The following ATG13 variants were observed in gnomAD, a reference collection of about 807,000 sequenced individuals.
The protein encoded by ATG13 is autophagy related 13.
ATG13 carries 23 observed loss-of-function variants against 65.5 expected under a neutral mutation model. The ratio of observed to expected loss-of-function variants is 0.35; its 90% CI spans 0.25 to 0.50. The LOEUF (loss-of-function observed/expected upper bound fraction) is 0.50. Among genes scored for constraint, ATG13 ranks in the 20% least tolerant of loss-of-function variants. The pLI, the probability that ATG13 is intolerant of heterozygous loss-of-function variation, is 0.98. For synonymous variants in ATG13, 252 were observed against 245.2 expected, an observed-to-expected ratio of 1.03 and a Z score of -0.26; for missense variants, 566 against 677.0, an observed-to-expected ratio of 0.84 and a Z score of 1.82.
chr11:46,625,405 G>C (rs1015579720), intron 1 of ATG13: 1 of 151,320 alleles, frequency 6.6e-6, no homozygotes, highest in Non-Finnish European at 1.5e-5. Context: ...CTCCTGAGTA[G>C]CTGGGACTAT....
chr11:46,673,908 A>G lies in ATG13; in HGVS notation c.*1576A>G, dbSNP rs1437484007. 2 of 152,190 alleles carry G rather than the reference A, an allele frequency of 1.3e-5. No individual in the cohort carries two copies. The highest frequency in any genetic ancestry group is 4.8e-5 in the African/African-American group (2 of 41,440). 9.4% of individuals were successfully genotyped at this position (152,190 alleles called of 1,614,324 possible). A position where few individuals can be genotyped will look rare whatever the true frequency, so the allele number is the denominator to read the frequency against. ...ATACTGCATGTGACACTGTTCCCACATACAAGGCTGACTTCTGAGGATTGG... is the reference window on the plus strand; with the variant it reads ...ATACTGCATGTGACACTGTTCCCACGTACAAGGCTGACTTCTGAGGATTGG... On this transcript the variant is annotated 3_prime_UTR_variant, in exon 19 of 19. Coordinates refer to ENST00000683050, the MANE Select transcript of ATG13 (RefSeq NM_001346311.2).
At chr11:46,633,063 C>T (rs1359301037) in intron 2 of ATG13, among the ~76,000 whole-genome samples, 1 of 136,420 alleles carries the variant, frequency 7.3e-6, no homozygotes, top group Non-Finnish European at 1.6e-5. Flanking sequence ...CTTGCTCTGT[C>T]GCCCAGGCTG....
intron 13 of ATG13, 89 bp from the exon 14 acceptor site, chr11:46,665,294 C>G: frequency 6.7e-7 from 1 of 1,501,670 alleles, no homozygotes; most frequent in Non-Finnish European, 9.1e-7. Flanking sequence ...ATGGAAAAGT[C>G]AAAAGCAGAT....
At chr11:46,621,981 T>A (rs1051547173) in intron 1 of ATG13, among the ~76,000 whole-genome samples, 1 of 150,724 alleles carries the variant, frequency 6.6e-6, no homozygotes, top group Admixed American at 6.7e-5. Context: ...TCATTTTATC[T>A]ACATCTTTAT....
intron 12 of ATG13, 31 bp downstream of exon 12, chr11:46,664,126 A>C: frequency 7.2e-7 from 1 of 1,394,016 alleles, no homozygotes; most frequent in Non-Finnish European, 9.9e-7. Flanking sequence ...AGGGGATATA[A>C]TCAGATGGCA....
chr11:46,658,861 GCT>G (rs1197594817), intron 10 of ATG13, among the ~76,000 whole-genome samples: 5 of 152,088 alleles, frequency 3.3e-5, no homozygotes, highest in Admixed American at 6.6e-5. Flanking sequence ...AAAAGAAAAT[GCT>G]CTCTCAAATA....
At chr11:46,651,143 A>G (rs1032526934) in intron 7 of ATG13, among the ~76,000 whole-genome samples, 11 of 152,232 alleles carry the variant, frequency 7.2e-5, no homozygotes, top group Non-Finnish European at 1.6e-4. Flanking sequence ...AGAACTATAC[A>G]GAGGCCCAGC....
chr11:46,665,543 C>A (rs973486377), intron 14 of ATG13, 24 bp downstream of exon 14: 1 of 1,612,908 alleles, frequency 6.2e-7, no homozygotes, highest in Non-Finnish European at 8.5e-7. Flanking sequence ...TTGGCTCTGT[C>A]TCTGGTAAGG....
chr11:46,646,267 G>A (rs1323765253), intron 5 of ATG13, among the ~76,000 whole-genome samples: 1 of 152,060 alleles, frequency 6.6e-6, no homozygotes, highest in African/African-American at 2.4e-5. Flanking sequence ...TCCTGCCTCA[G>A]CCTCCTGAGT....
In ATG13 at chr11:46,617,565, A is replaced by C; in HGVS notation, c.-395A>C. On this transcript the variant is annotated 5_prime_UTR_variant, in exon 1 of 19. Coordinates refer to ENST00000683050, the MANE Select transcript of ATG13 (RefSeq NM_001346311.2). ...ACCCCCCCCCCCCGGCCATTACCGA[A>C]GCGGATGAAAACAAACACTAACGAT... The C allele has an allele frequency of 8.6e-6, 1 of 115,842 alleles. No homozygotes were observed. The highest frequency in any genetic ancestry group is 1.6e-5 in the Non-Finnish European group (1 of 62,480). The allele number at this position is 115,842 out of a possible 1,614,324, so 7.2% of individuals were successfully genotyped here. A position where few individuals can be genotyped will look rare whatever the true frequency, so the allele number is the denominator to read the frequency against.
Position 46,645,329 on chromosome 11 carries a change from T to G in ATG13, c.70-10T>G, listed in dbSNP as rs2057248463. On this transcript the variant is annotated splice_polypyrimidine_tract_variant and intron_variant, in intron 3 of 18. Transcript: ENST00000683050. The stretch of plus-strand genomic sequence containing the variant: ...TTTTAGGATTTCTTTTGTGTTTTTT[T>G]TTTCTTTAGACTGTCCAAGTGATTG... 2.5e-6 allele frequency: 4 copies of G among 1,596,862 alleles called. No homozygotes were observed. Among genetic ancestry groups the G allele is most frequent in the African/African-American group, 1.4e-5 (1 of 73,586 alleles).
Position 46,624,488 on chromosome 11 carries a change from AT to A in ATG13, c.-69-5544del, listed in dbSNP as rs71644284. ...CCTTTAATCTAAAATGGATCTTCAG[AT>A]TTTTTTTTTTTTGTTCTTTTATAAC... is the stretch of plus-strand genomic sequence containing the variant. On this transcript the variant is annotated intron_variant, in intron 1 of 18. Transcript: ENST00000683050. Among the ~76,000 whole-genome samples, 710 of 145,142 alleles carry A rather than the reference AT, an allele frequency of 4.9e-3. 3 individuals carry two copies. The highest frequency in any genetic ancestry group is 0.016 in the South Asian group (73 of 4,606).
Position 46,672,414 on chromosome 11 carries a change from C to G in ATG13, c.*82C>G, listed in dbSNP as rs2063972245. 1.9e-6 allele frequency: 3 copies of G among 1,608,360 alleles called. No individual in the cohort carries two copies. The Admixed American group carries it at 5.0e-5, about 27-fold the overall frequency. ...CTCCCATGCATCAGCTGCTCCCACC[C>G]CTCATCCTGCTCTGAGCCAGGTGGA... On this transcript the variant is annotated 3_prime_UTR_variant, in exon 19 of 19. Transcript: ENST00000683050.
chr11:46,630,030 C>A lies in ATG13; in HGVS notation c.-69-15C>A, dbSNP rs1240690214. ...GTGCAGTGGTATTCACAGTCATGATCATATTTCTCTACAGCATCTTGGACT... is the reference window on the plus strand; with the variant it reads ...GTGCAGTGGTATTCACAGTCATGATAATATTTCTCTACAGCATCTTGGACT... On this transcript the variant is annotated splice_polypyrimidine_tract_variant and intron_variant, in intron 1 of 18. Transcript: ENST00000683050. 6 of 152,196 alleles carry A rather than the reference C, an allele frequency of 3.9e-5. No individual in the cohort carries two copies. Among genetic ancestry groups the A allele is most frequent in the African/African-American group, 1.4e-4 (6 of 41,520 alleles). 9.4% of individuals were successfully genotyped at this position (152,196 alleles called of 1,614,324 possible). A position where few individuals can be genotyped will look rare whatever the true frequency, so the allele number is the denominator to read the frequency against.
In ATG13 at chr11:46,672,376, G is replaced by C. The variant is rs2063961754; in HGVS notation, c.*44G>C. The C allele has an allele frequency of 6.2e-7, 1 of 1,613,610 alleles. No homozygotes were observed. Among genetic ancestry groups the C allele is most frequent in the Non-Finnish European group, 8.5e-7 (1 of 1,179,734 alleles). On this transcript the variant is annotated 3_prime_UTR_variant, in exon 19 of 19. Transcript: ENST00000683050. ...GCAGCACCCCCTTTTTGTGGCCCCA[G>C]GGCATAAGCAGCCTCCCATGCATCA...
At chr11:46,622,127 A>ATATT (rs1433485254) in intron 1 of ATG13, among the ~76,000 whole-genome samples, 1 of 84,360 alleles carries the variant, frequency 1.2e-5, no homozygotes, top group Non-Finnish European at 2.3e-5. Context: ...ATATATATAT[A>ATATT]TTTATTTTAG....
In ATG13 at chr11:46,668,899, A is replaced by T. The variant is rs1028435576; in HGVS notation, c.1435A>T (p.Met479Leu). 2 of 1,613,154 alleles carry T rather than the reference A, an allele frequency of 1.2e-6. No homozygotes were observed. Among genetic ancestry groups the T allele is most frequent in the African/African-American group, 1.3e-5 (1 of 74,914 alleles). Residue 479 changes from methionine (M) to leucine (L), a missense_variant, in exon 17 of 19, where the codon ATG becomes TTG. By Grantham distance (15) the Met-to-Leu change is conservative (BLOSUM62 2). Coordinates refer to ENST00000683050, the MANE Select transcript of ATG13 (RefSeq NM_001346311.2). ...TGGCAATACCCATGATGACTTTGTT[A>T]TGATAGACTTTGTAAGTCGCCGTCA... ...SSGNTHDDFV[M>L]IDFKPAFSKD...
At position 46,649,484 on chromosome 11, in the gene ATG13, C is replaced by T. The variant is rs145405423; in HGVS notation, c.317+301C>T. On this transcript the variant is annotated intron_variant, in intron 6 of 18. Coordinates refer to ENST00000683050, the MANE Select transcript of ATG13 (RefSeq NM_001346311.2). Reference sequence around the variant, plus strand: ...GCTAGTTCTCTGATTAAATCCCTTGCGAGCTCTTGTAATATGACTACTCTG... The same window carrying T: ...GCTAGTTCTCTGATTAAATCCCTTGTGAGCTCTTGTAATATGACTACTCTG... Among the ~76,000 whole-genome samples the T allele has an allele frequency of 2.9e-3, 437 of 152,314 alleles. 2 individuals are homozygous for T. The highest frequency in any genetic ancestry group is 9.7e-3 in the African/African-American group (402 of 41,554).
chr11:46,659,602 G>A (rs979313190), intron 11 of ATG13, 117 bp downstream of exon 11: 4 of 798,694 alleles, frequency 5.0e-6, no homozygotes. Flanking sequence ...TTGTTTCAAA[G>A]GGGTTACTTT....
Sources: gnomAD v4.1 joint callset for allele counts (sites outside exome capture counted in the v4.1 genomes callset) on GRCh38, gnomAD v4.1.1 for gene constraint, MANE v1.5 for transcripts, NCBI Gene and HGNC (gene_info 2026-07-23, HGNC 2026-07-21) for gene names.